Variants in PAX3 observed in about 807,000 individuals in gnomAD.
PAX3 encodes the protein paired box protein Pax-3.
PAX3 carries 14 observed loss-of-function variants against 51.6 expected under a neutral mutation model. That is an observed-to-expected ratio of 0.27 (90% confidence interval 0.18 to 0.42). The LOEUF is 0.42. PAX3 is among the 10% of genes least tolerant of loss of function. PAX3 has a pLI of 1.00. For synonymous variants in PAX3, 280 were observed against 253.4 expected (o/e 1.11, Z -1.00); for missense variants, 540 against 642.8 (o/e 0.84, Z 1.73).
chr2:222,298,708 CG>C lies in PAX3; in HGVS notation c.-94del, dbSNP rs1695446383. On this transcript the variant is annotated 5_prime_UTR_variant, in exon 1 of 9. Transcript: ENST00000392070. ...GATGACCCTCGGGAACTATCCGGAG[CG>C]TGGAGAGCCCCTCCCCAAAACGGCT... The C allele has an allele frequency of 8.1e-7, 1 of 1,238,010 alleles. No homozygotes were observed. The allele number at this position is 1,238,010 out of a possible 1,614,324, so 76.7% of individuals were successfully genotyped here. A position where few individuals can be genotyped will look rare whatever the true frequency, so the allele number is the denominator to read the frequency against.
chr2:222,207,775 T>C (rs1009643440), intron 7 of PAX3, among the ~76,000 whole-genome samples: 6 of 152,122 alleles, frequency 3.9e-5, no homozygotes, highest in African/African-American at 1.4e-4. Flanking sequence ...GACTAAAATA[T>C]AAATCTAGAC....
intron 4 of PAX3, among the ~76,000 whole-genome samples, chr2:222,236,983 G>T (rs1692821005): frequency 6.6e-6 from 1 of 152,046 alleles, no homozygotes; most frequent in South Asian, 2.1e-4. Context: ...AATCTATATT[G>T]CTATCAGATT....
At chr2:222,257,511 G>A (rs1268917843) in intron 4 of PAX3, among the ~76,000 whole-genome samples, 1 of 152,148 alleles carries the variant, frequency 6.6e-6, no homozygotes, top group African/African-American at 2.4e-5. Flanking sequence ...CTTGTTCTCA[G>A]GGACTTTCAC....
intron 4 of PAX3, among the ~76,000 whole-genome samples, chr2:222,280,502 T>C (rs1197304293): frequency 4.0e-5 from 6 of 151,880 alleles, no homozygotes; most frequent in Admixed American, 3.9e-4. Context: ...GGACAAATAA[T>C]ATAAGACAAA....
chr2:222,219,060 G>A (rs1000883409), intron 7 of PAX3, among the ~76,000 whole-genome samples: 4 of 152,118 alleles, frequency 2.6e-5, no homozygotes, highest in Admixed American at 6.5e-5. Context: ...AAAGATATAC[G>A]AGTCGTTATT....
intron 5 of PAX3, among the ~76,000 whole-genome samples, chr2:222,228,711 G>A (rs755517632): frequency 6.6e-6 from 1 of 152,098 alleles, no homozygotes; most frequent in Non-Finnish European, 1.5e-5. Context: ...GAGGAGGGAG[G>A]ATCACTTGAG....
intron 4 of PAX3, among the ~76,000 whole-genome samples, chr2:222,282,901 A>G (rs182066769): frequency 4.7e-4 from 72 of 152,306 alleles, no homozygotes; most frequent in African/African-American, 1.7e-3. Flanking sequence ...TAATTTTGAA[A>G]CCTATGTTCC....
At chr2:222,248,001 AG>A (rs1693290989) in intron 4 of PAX3, among the ~76,000 whole-genome samples, 1 of 152,168 alleles carries the variant, frequency 6.6e-6, no homozygotes, top group Non-Finnish European at 1.5e-5. Context: ...TACATGTCAG[AG>A]CTTCAAAGAT....
chr2:222,284,569 T>C (rs1694762065), intron 4 of PAX3, among the ~76,000 whole-genome samples: 1 of 151,998 alleles, frequency 6.6e-6, no homozygotes, highest in South Asian at 2.1e-4. Flanking sequence ...ATTTTTTGAC[T>C]TGGTGAAAGC....
chr2:222,234,399 T>TA (rs1343314198), intron 4 of PAX3, among the ~76,000 whole-genome samples: 1 of 152,164 alleles, frequency 6.6e-6, no homozygotes, highest in Non-Finnish European at 1.5e-5. Context: ...ATTAACATGC[T>TA]AAAAAATACG....
intron 4 of PAX3, among the ~76,000 whole-genome samples, chr2:222,244,665 C>T (rs747750571): frequency 2.7e-5 from 4 of 149,606 alleles, no homozygotes; most frequent in Non-Finnish European, 5.9e-5. Context: ...GTACAATAAG[C>T]ATGATCCAAT....
At chr2:222,265,692 G>GGAAGGAAGGAAGGA (rs1559296349) in intron 4 of PAX3, among the ~76,000 whole-genome samples, 45 of 26,988 alleles carry the variant, frequency 1.7e-3, no homozygotes, top group African/African-American at 4.2e-3. Context: ...GGAAGGAAGG[G>GGAAGGAAGGAAGGA]AGAAAGATTG....
intron 7 of PAX3, among the ~76,000 whole-genome samples, chr2:222,219,642 T>C (rs1386459054): frequency 6.6e-6 from 1 of 152,226 alleles, no homozygotes; most frequent in African/African-American, 2.4e-5. Context: ...AGTCATCAGC[T>C]GGGTCTCTCT....
In PAX3 at chr2:222,297,047, G is replaced by A; in HGVS notation, c.252C>T (p.Ser84=). ...TCTCCTGGTACCTGCACAGGATCTTGGAGACGCAGCCGTGGGACACGCGCA... is the reference window on the plus strand; with the variant it reads ...TCTCCTGGTACCTGCACAGGATCTTAGAGACGCAGCCGTGGGACACGCGCA... The part of the protein sequence containing the change: ...RQLRVSHGCV[S]KILCRYQETG... The change falls in exon 2 of 9, where the codon TCC becomes TCT. Residue 84 remains serine (S), a synonymous_variant. Coordinates refer to ENST00000392070, the MANE Select transcript of PAX3 (RefSeq NM_181458.4). 1.2e-6 allele frequency: 2 copies of A among 1,614,150 alleles called. No individual in the cohort carries two copies. The highest frequency in any genetic ancestry group is 8.5e-7 in the Non-Finnish European group (1 of 1,180,026).
At chr2:222,210,062 A>G (rs1302037111) in intron 7 of PAX3, among the ~76,000 whole-genome samples, 2 of 152,126 alleles carry the variant, frequency 1.3e-5, no homozygotes, top group African/African-American at 4.8e-5. Context: ...GAACCAATAA[A>G]GATGCCGTGT....
In PAX3 at chr2:222,221,371, C is replaced by T; in HGVS notation, c.809G>A (p.Arg270His). 3 of 1,613,640 alleles carry T rather than the reference C, an allele frequency of 1.9e-6. No homozygotes were observed. The highest frequency in any genetic ancestry group is 2.2e-5 in the East Asian group (1 of 44,886). ...AGCTTGCTTCCTCCATCTTGCACGG[C>T]GGTTGCTAAACCAGACCTATGGATT... The part of the protein sequence containing the change: ...EARVQVWFSN[R>H]RARWRKQAGA... Residue 270 changes from arginine to histidine, a missense_variant, in exon 6 of 9, where the codon CGC (arginine) becomes CAC (histidine). Coordinates refer to ENST00000392070, the MANE Select transcript of PAX3 (RefSeq NM_181458.4).
At chr2:222,289,962 G>C (rs867760498) in intron 4 of PAX3, among the ~76,000 whole-genome samples, 1 of 152,148 alleles carries the variant, frequency 6.6e-6, no homozygotes, top group South Asian at 2.1e-4. Flanking sequence ...AAAGTGGGCT[G>C]GTCTGTCCAC....
chr2:222,222,388 C>A, intron 5 of PAX3, among the ~76,000 whole-genome samples: 1 of 151,710 alleles, frequency 6.6e-6, no homozygotes, highest in East Asian at 1.9e-4. Flanking sequence ...CTAATTCCTA[C>A]ATCAAAAGTT....
intron 4 of PAX3, among the ~76,000 whole-genome samples, chr2:222,237,532 C>T (rs562390019): frequency 2.2e-4 from 34 of 152,244 alleles, no homozygotes; most frequent in Admixed American, 9.8e-4. Context: ...CCAATCCAAA[C>T]GATTTTCCAG....
Sources: allele counts gnomAD v4.1 joint callset (sites outside exome capture counted in the v4.1 genomes callset), GRCh38; gene constraint gnomAD v4.1.1; transcripts MANE v1.5; gene names NCBI Gene and HGNC (gene_info 2026-07-23, HGNC 2026-07-21).